The following SNRPN variants were observed in gnomAD, a reference collection of about 807,000 sequenced individuals.
SNRPN encodes the protein small nuclear ribonucleoprotein polypeptide N, also known as small nuclear ribonucleoprotein-associated protein N.
In SNRPN, 7 loss-of-function variants were observed where a neutral mutation model predicts 25.2. The ratio of observed to expected loss-of-function variants is 0.28; its 90% CI spans 0.16 to 0.52. The LOEUF (loss-of-function observed/expected upper bound fraction) is 0.52, where lower values mean the gene tolerates loss of function less well. SNRPN is among the 20% of genes least tolerant of loss of function. The probability of loss-of-function intolerance (pLI) is 0.96; values close to 1 mark genes in which losing one functional copy is unlikely to be tolerated. For missense variants in SNRPN, 196 were observed against 322.5 expected, an observed-to-expected ratio of 0.61 and a Z score of 3.00; for synonymous variants, 124 against 110.6, an observed-to-expected ratio of 1.12 and a Z score of -0.76.
At chr15:24,971,247 A>G (rs909304271) in intron 3 of SNRPN, among the ~76,000 whole-genome samples, 2 of 152,188 alleles carry the variant, frequency 1.3e-5, no homozygotes, top group Non-Finnish European at 1.5e-5. Flanking sequence ...AAGATACACT[A>G]TGACTGCTCA....
intron 2 of SNRPN, among the ~76,000 whole-genome samples, chr15:24,887,251 G>A (rs912807984): frequency 1.2e-3 from 182 of 151,050 alleles, no homozygotes; most frequent in African/African-American, 4.1e-3. Flanking sequence ...GAGTTCAAGC[G>A]ATTCTCCTGC....
rs866600719 is a variant in SNRPN at position 24,918,998 on chromosome 15, T to C, written c.-504-1013T>C. 8.4e-4 allele frequency among the ~76,000 whole-genome samples: 99 copies of C among 118,296 alleles called. 7 individuals are homozygous for C. Among genetic ancestry groups the C allele is most frequent in the Admixed American group, 1.5e-3 (18 of 11,710 alleles). The allele number at this position is 118,296 out of a possible 152,430, so 77.6% of individuals were successfully genotyped here. On this transcript the variant is annotated intron_variant, in intron 2 of 11. Transcript: ENST00000400097. ...ATATAACATAATATATATGTGCGCA[T>C]ATATATATAACATAATATATATGTG...
intron 5 of SNRPN, among the ~76,000 whole-genome samples, chr15:24,976,086 A>T (rs974771189): frequency 2.0e-5 from 3 of 152,252 alleles, no homozygotes; most frequent in African/African-American, 7.2e-5. Flanking sequence ...ACATCAAAGG[A>T]ACATTCTGTA....
intron 2 of SNRPN, among the ~76,000 whole-genome samples, chr15:24,848,069 G>A (rs538973463): frequency 6.6e-6 from 1 of 152,010 alleles, no homozygotes; most frequent in Admixed American, 6.6e-5. Flanking sequence ...TGGCAGGGCC[G>A]GGACTCCTGG....
intron 1 of SNRPN, among the ~76,000 whole-genome samples, chr15:24,867,053 T>C (rs1029671579): frequency 7.2e-5 from 11 of 152,216 alleles, no homozygotes; most frequent in Non-Finnish European, 1.6e-4. Context: ...TTTAACAATT[T>C]CTGCCTCATA....
upstream of SNRPN, among the ~76,000 whole-genome samples, chr15:24,951,149 C>T (rs1292158366): frequency 6.6e-6 from 1 of 152,124 alleles, no homozygotes; most frequent in Non-Finnish European, 1.5e-5. Flanking sequence ...GCGTGTGAAC[C>T]ACCGTGCCTG....
rs2056867734 is a variant in SNRPN at position 24,882,978 on chromosome 15, A to G, written c.-578-3538A>G. Reference sequence around the variant, plus strand: ...GGCAAAATCATCAAACACAAAGTCTATTTTATAATAAAGTGTTGAATATCT... The same window carrying G: ...GGCAAAATCATCAAACACAAAGTCTGTTTTATAATAAAGTGTTGAATATCT... On this transcript the variant is annotated intron_variant, in intron 1 of 11. Coordinates refer to the SNRPN transcript ENST00000400097. 3.3e-5 allele frequency among the ~76,000 whole-genome samples: 5 copies of G among 152,096 alleles called. No homozygotes were observed. In the South Asian group the frequency reaches 1.0e-3, roughly 32 times the overall value.
chr15:24,971,119 A>T (rs1435667564), intron 3 of SNRPN, among the ~76,000 whole-genome samples: 2 of 152,146 alleles, frequency 1.3e-5, no homozygotes, highest in African/African-American at 2.4e-5. Context: ...ATTAAAGTAG[A>T]TTTACATTTT....
At chr15:24,888,334 C>T (rs1344843454) in intron 2 of SNRPN, among the ~76,000 whole-genome samples, 1 of 152,032 alleles carries the variant, frequency 6.6e-6, no homozygotes, top group Non-Finnish European at 1.5e-5. Flanking sequence ...TCTCGAACTC[C>T]AGACCTCGTG....
At chr15:24,890,844 G>C (rs11161153) in intron 2 of SNRPN, among the ~76,000 whole-genome samples, 13,619 of 152,244 alleles carry the variant, frequency 0.089, 736 homozygotes, top group South Asian at 0.15. Context: ...CAGCCATGAT[G>C]CATTTTGGCT....
chr15:24,848,187 C>CT (rs1442429064), intron 2 of SNRPN, among the ~76,000 whole-genome samples: 6 of 125,676 alleles, frequency 4.8e-5, no homozygotes, highest in Admixed American at 8.9e-5. Context: ...TCGTGGTGCG[C>CT]TGTGGGAAGG....
At chr15:24,824,055 A>G (rs1277630869) in intron 1 of SNRPN, among the ~76,000 whole-genome samples, 1 of 152,098 alleles carries the variant, frequency 6.6e-6, no homozygotes, top group East Asian at 1.9e-4. Context: ...TTAAATGAAA[A>G]TAGCACTTTA....
intron 2 of SNRPN, among the ~76,000 whole-genome samples, chr15:24,838,786 T>C (rs2051436902): frequency 6.6e-6 from 1 of 152,010 alleles, no homozygotes; most frequent in African/African-American, 2.4e-5. Context: ...ACTGGAAGTA[T>C]CAGATGTTTC....
intron 2 of SNRPN, chr15:24,910,772 C>T (rs898297017): frequency 8.4e-5 from 26 of 309,230 alleles, no homozygotes; most frequent in East Asian, 2.1e-4. Flanking sequence ...GAACTACAGG[C>T]GTGAGGCACC....
rs536416703 is a variant in SNRPN at position 24,865,384 on chromosome 15, C to T, written c.-579+8668C>T. Among the ~76,000 whole-genome samples, 3 of 152,136 alleles carry T rather than the reference C, an allele frequency of 2.0e-5. No individual in the cohort carries two copies. The South Asian group carries it at 6.2e-4, about 31-fold the overall frequency. ...TTAAATGTATTACAGTTAGGCCCTA[C>T]ACACAAAAGCCCCTTTCAGGACACA... On this transcript the variant is annotated intron_variant, in intron 1 of 11. Transcript: ENST00000400097.
intron 3 of SNRPN, among the ~76,000 whole-genome samples, chr15:24,932,847 C>T (rs747651163): frequency 7.9e-5 from 12 of 151,992 alleles, no homozygotes; most frequent in Non-Finnish European, 1.6e-4. Flanking sequence ...TGGGGTTTCA[C>T]GATGTTGGTT....
intron 2 of SNRPN, among the ~76,000 whole-genome samples, chr15:24,844,423 C>T (rs193106898): frequency 7.2e-5 from 11 of 152,094 alleles, no homozygotes; most frequent in Non-Finnish European, 1.2e-4. Context: ...TGTTAAGTAC[C>T]GAAAATATTT....
At chr15:24,847,504 G>A (rs2052312265) in intron 2 of SNRPN, among the ~76,000 whole-genome samples, 2 of 152,128 alleles carry the variant, frequency 1.3e-5, no homozygotes, top group Non-Finnish European at 2.9e-5. Flanking sequence ...AGTGGGCATG[G>A]TGGCGGGTGC....
At chr15:24,911,225 G>C in intron 2 of SNRPN, 1 of 451,496 alleles carries the variant, frequency 2.2e-6, no homozygotes, top group Non-Finnish European at 3.8e-6. Context: ...GCCTGGCCTT[G>C]TAAAGAATTT....
Sources: gnomAD v4.1 joint callset for allele counts (sites outside exome capture counted in the v4.1 genomes callset) on GRCh38, gnomAD v4.1.1 for gene constraint, MANE v1.5 for transcripts, NCBI Gene and HGNC (gene_info 2026-07-23, HGNC 2026-07-21) for gene names.